The following SEC24B variants were observed in gnomAD, a reference collection of about 807,000 sequenced individuals.
SEC24B encodes the protein SEC24 homolog B, COPII component, also known as protein transport protein Sec24B.
SEC24B carries 45 observed loss-of-function variants against 142.8 expected under a neutral mutation model. The ratio of observed to expected loss-of-function variants is 0.32; its 90% CI spans 0.25 to 0.40. The LOEUF (loss-of-function observed/expected upper bound fraction) is 0.40. SEC24B is among the 10% of genes least tolerant of loss of function. The probability of loss-of-function intolerance (pLI) is 1.00; values close to 1 mark genes in which losing one functional copy is unlikely to be tolerated. For synonymous variants in SEC24B, 574 were observed against 568.2 expected (o/e 1.01, Z -0.15); for missense variants, 1,409 against 1,526.8 (o/e 0.92, Z 1.29).
intron 7 of SEC24B, among the ~76,000 whole-genome samples, chr4:109,509,182 TGAA>T (rs1160954622): frequency 1.3e-5 from 2 of 152,160 alleles, no homozygotes; most frequent in African/African-American, 4.8e-5. Flanking sequence ...CCAACCTGCA[TGAA>T]TGGCAAATAT....
chr4:109,483,978 T>G (rs146021540), intron 4 of SEC24B, among the ~76,000 whole-genome samples: 3 of 152,240 alleles, frequency 2.0e-5, no homozygotes, highest in African/African-American at 7.2e-5. Flanking sequence ...TACTTTATGT[T>G]TCCTAATCAT....
At chr4:109,482,958 A>G (rs1375381829) in intron 4 of SEC24B, among the ~76,000 whole-genome samples, 2 of 65,672 alleles carry the variant, frequency 3.0e-5, no homozygotes, top group African/African-American at 2.0e-4. Context: ...ATATATATAT[A>G]TATATATATA....
intron 21 of SEC24B, among the ~76,000 whole-genome samples, chr4:109,533,303 T>G (rs963892919): frequency 5.3e-5 from 8 of 152,076 alleles, no homozygotes; most frequent in African/African-American, 1.9e-4. Context: ...AGTAATGAAA[T>G]AGTGGATGGG....
chr4:109,433,845 A>T lies in SEC24B; in HGVS notation c.-25A>T, dbSNP rs765142203. On this transcript the variant is annotated 5_prime_UTR_variant, in exon 1 of 24. Transcript: ENST00000265175. Reference sequence around the variant, plus strand: ...CCCTCCGCCCACCTCCCTGAAGCGGAGCCGCCGTCGCCACCAGCGCCGTCA... The same window carrying T: ...CCCTCCGCCCACCTCCCTGAAGCGGTGCCGCCGTCGCCACCAGCGCCGTCA... 1 of 1,285,756 alleles carries T rather than the reference A, an allele frequency of 7.8e-7. No individual in the cohort carries two copies. The highest frequency in any genetic ancestry group is 2.2e-5 in the South Asian group (1 of 45,652). The allele number at this position is 1,285,756 out of a possible 1,614,324, so 79.6% of individuals were successfully genotyped here.
intron 3 of SEC24B, among the ~76,000 whole-genome samples, chr4:109,476,426 A>T (rs1437609032): frequency 6.6e-6 from 1 of 152,174 alleles, no homozygotes; most frequent in Non-Finnish European, 1.5e-5. Flanking sequence ...TCCCCACTAT[A>T]GTTTTGTATC....
rs187919362 is a variant in SEC24B, at chr4:109,533,750, A to T, written c.3588+65A>T. On this transcript the variant is annotated intron_variant, in intron 22 of 23. Coordinates refer to ENST00000265175, the MANE Select transcript of SEC24B (RefSeq NM_006323.5). ...ATTTTTTTTTATTGATGTAAAATTC[A>T]TGTAATATTCACCATTTTAAAATGT... is the stretch of plus-strand genomic sequence containing the variant. 2.9e-5 allele frequency: 28 copies of T among 963,974 alleles called. No homozygotes were observed. The Admixed American group carries it at 4.5e-4, about 16-fold the overall frequency. 59.7% of individuals were successfully genotyped at this position (963,974 alleles called of 1,614,324 possible).
chr4:109,504,951 T>C (rs960699470), intron 6 of SEC24B, among the ~76,000 whole-genome samples: 7 of 152,156 alleles, frequency 4.6e-5, no homozygotes, highest in African/African-American at 1.4e-4. Context: ...CATAGAGTTA[T>C]TGCCAGGACA....
chr4:109,449,274 A>C (rs1194086931), intron 1 of SEC24B: 1 of 323,034 alleles, frequency 3.1e-6, no homozygotes, highest in Non-Finnish European at 6.1e-6. Context: ...CCTGGGTTGG[A>C]GTATAGTGGC....
At chr4:109,482,382 A>G (rs1578858607) in intron 4 of SEC24B, among the ~76,000 whole-genome samples, 1 of 152,348 alleles carries the variant, frequency 6.6e-6, no homozygotes, top group East Asian at 1.9e-4. Context: ...TTTGATAGGT[A>G]GAACACTGCT....
intron 1 of SEC24B, among the ~76,000 whole-genome samples, chr4:109,448,072 T>G (rs890688171): frequency 1.3e-5 from 2 of 152,214 alleles, no homozygotes; most frequent in African/African-American, 2.4e-5. Flanking sequence ...CTTAAGGATG[T>G]TTGTGATTAT....
chr4:109,512,167 T>G, intron 9 of SEC24B, 84 bp downstream of exon 9: 3 of 1,244,348 alleles, frequency 2.4e-6, no homozygotes, highest in Non-Finnish European at 3.4e-6. Flanking sequence ...GGTTTCTCTC[T>G]TCATTGCTTT....
Position 109,462,995 on chromosome 4 carries a change from G to A in SEC24B, c.228G>A (p.Gly76=), listed in dbSNP as rs1731443703. Residue 76 remains glycine (G), a synonymous_variant, in exon 2 of 24, where the codon GGG becomes GGA. Coordinates refer to ENST00000265175, the MANE Select transcript of SEC24B (RefSeq NM_006323.5). ...CAGGACATTACTCTCAAGGACCTGG[G>A]AAAATGACCTCATTGCCATTGGATA... ...APSGHYSQGP[G]KMTSLPLDTQ... is the part of the protein sequence containing the mutation. 3.1e-6 allele frequency: 5 copies of A among 1,613,920 alleles called. No individual in the cohort carries two copies. The highest frequency in any genetic ancestry group is 1.1e-5 in the South Asian group (1 of 91,078).
chr4:109,474,154 G>C (rs746683603), intron 3 of SEC24B, among the ~76,000 whole-genome samples: 1 of 152,162 alleles, frequency 6.6e-6, no homozygotes, highest in Non-Finnish European at 1.5e-5. Context: ...AGTAACTGCA[G>C]CACCAAAGAG....
chr4:109,527,546 A>ATTT, intron 18 of SEC24B, 114 bp downstream of exon 18: 1 of 709,274 alleles, frequency 1.4e-6, no homozygotes, highest in Non-Finnish European at 2.4e-6. Flanking sequence ...GCTGAGGCGG[A>ATTT]CGGACCACGA....
chr4:109,493,421 A>G (rs904780025), intron 5 of SEC24B, among the ~76,000 whole-genome samples: 1 of 152,244 alleles, frequency 6.6e-6, no homozygotes, highest in Non-Finnish European at 1.5e-5. Flanking sequence ...TAAACAGTCA[A>G]TATGCCAAAT....
At chr4:109,492,045 C>G (rs1328959404) in intron 5 of SEC24B, among the ~76,000 whole-genome samples, 3 of 151,800 alleles carry the variant, frequency 2.0e-5, no homozygotes, top group Non-Finnish European at 4.4e-5. Flanking sequence ...CTAATGATTC[C>G]AAGCTTCAAA....
At chr4:109,473,218 A>G in intron 3 of SEC24B, 32 bp downstream of exon 3, 1 of 1,369,798 alleles carries the variant, frequency 7.3e-7, no homozygotes, top group Non-Finnish European at 9.8e-7. Flanking sequence ...GTATATGCAC[A>G]CAGACACACA....
rs372703752 is a variant in SEC24B, at chr4:109,491,354, G to A, written c.1193G>A (p.Ser398Asn). Residue 398 changes from serine to asparagine, a missense_variant, in exon 5 of 24, where the codon AGT (serine) becomes AAT (asparagine). By Grantham distance (46) the Ser-to-Asn change is conservative (BLOSUM62 1). This residue lies in a region of SEC24B where 709 missense variants were observed against 673.5 expected (regional missense o/e 1.05). Transcript: ENST00000265175. ...GTTGACAGCTCTTCTACCACAAGCA[G>A]TGCTTCTCCAATGCCCAACAGTTAT... is the stretch of plus-strand genomic sequence containing the variant. Reference protein sequence around the residue: ...AGVDSSSTTSSASPMPNSYDA... With the variant: ...AGVDSSSTTSNASPMPNSYDA... The A allele has an allele frequency of 7.5e-5, 121 of 1,613,600 alleles. No individual in the cohort carries two copies. The highest frequency in any genetic ancestry group is 1.0e-4 in the Non-Finnish European group (119 of 1,179,722).
rs34727629 is a variant in SEC24B at position 109,532,752 on chromosome 4, C to G, written c.3495+9C>G. The G allele has an allele frequency of 0.1, 137,055 of 1,329,418 alleles. 7,970 individuals carry two copies. Among genetic ancestry groups the G allele is most frequent in the Middle Eastern group, 0.15 (836 of 5,528 alleles). The allele number at this position is 1,329,418 out of a possible 1,614,324, so 82.4% of individuals were successfully genotyped here. Reference sequence around the variant, plus strand: ...TTATGGACTGTGGCTCTGTAAGCACCCTTTACTGGCAAAGCTTAACACTGT... The same window carrying G: ...TTATGGACTGTGGCTCTGTAAGCACGCTTTACTGGCAAAGCTTAACACTGT... On this transcript the variant is annotated intron_variant, in intron 21 of 23. Coordinates refer to ENST00000265175, the MANE Select transcript of SEC24B (RefSeq NM_006323.5).
Sources: gnomAD v4.1 joint callset for allele counts (sites outside exome capture counted in the v4.1 genomes callset) on GRCh38, gnomAD v4.1.1 for gene constraint, gnomAD v4.1.1 regional missense constraint, MANE v1.5 for transcripts, NCBI Gene and HGNC (gene_info 2026-07-23, HGNC 2026-07-21) for gene names.